The following SCRIB variants were observed in gnomAD, a reference collection of about 807,000 sequenced individuals.
SCRIB encodes the protein scribble planar cell polarity protein.
Under a neutral mutation model 170.0 loss-of-function variants are expected in SCRIB, and 72 were observed. The ratio of observed to expected loss-of-function variants is 0.42; its 90% CI spans 0.35 to 0.52. The LOEUF (loss-of-function observed/expected upper bound fraction) is 0.52. Among genes scored for constraint, SCRIB ranks in the 20% least tolerant of loss-of-function variants. The pLI, the probability that SCRIB is intolerant of heterozygous loss-of-function variation, is 0.02. For synonymous variants in SCRIB, 1,298 were observed against 1,044.3 expected, an observed-to-expected ratio of 1.24 and a Z score of -4.68; for missense variants, 2,475 against 2,338.5, an observed-to-expected ratio of 1.06 and a Z score of -1.20.
At chr8:143,801,779 C>T (rs782603440) in intron 24 of SCRIB, among the ~76,000 whole-genome samples, 3 of 152,122 alleles carry the variant, frequency 2.0e-5, no homozygotes, top group Non-Finnish European at 4.4e-5. Context: ...CTGGCTTGCC[C>T]GACGCGGCAG....
Position 143,810,504 on chromosome 8 carries a change from G to C in SCRIB, c.1505C>G (p.Ser502Cys). The change falls in exon 13 of 37, where the codon TCT becomes TGT. Residue 502 changes from serine (S) to cysteine (C), a missense_variant. Physicochemically the swap from Ser to Cys is moderately radical, Grantham distance 112. Coordinates refer to ENST00000356994, the MANE Select transcript of SCRIB (RefSeq NM_182706.5). ...RSEACPCQPDSGSPLPAEEEK... is the reference protein window; with the variant it reads ...RSEACPCQPDCGSPLPAEEEK... Reference sequence around the variant, plus strand: ...CTCCTCTGCAGGCAAGGGCGACCCAGAGTCTGGCTGGCAAGGGCAGGCCTC... The same window carrying C: ...CTCCTCTGCAGGCAAGGGCGACCCACAGTCTGGCTGGCAAGGGCAGGCCTC... 5 of 1,611,470 alleles carry C rather than the reference G, an allele frequency of 3.1e-6. No individual in the cohort carries two copies. The highest frequency in any genetic ancestry group is 4.2e-6 in the Non-Finnish European group (5 of 1,179,910).
intron 27 of SCRIB, 66 bp from the exon 28 acceptor site, chr8:143,794,028 G>A (rs553691230): frequency 6.7e-7 from 1 of 1,490,354 alleles, no homozygotes; most frequent in East Asian, 2.3e-5. Flanking sequence ...AGGAGGGACT[G>A]GGGGCCCTGG....
At position 143,795,262 on chromosome 8, in the gene SCRIB, G is replaced by A; in HGVS notation, c.3771+15C>T. ...CCAGTGCCCTGATGTGAGGGGGTGG[G>A]GCGACCACACTCACTGCGGCTTCTG... On this transcript the variant is annotated intron_variant, in intron 26 of 36. Coordinates refer to ENST00000356994, the MANE Select transcript of SCRIB (RefSeq NM_182706.5). The A allele has an allele frequency of 1.2e-6, 2 of 1,612,414 alleles. No homozygotes were observed. Among genetic ancestry groups the A allele is most frequent in the Non-Finnish European group, 1.7e-6 (2 of 1,179,862 alleles).
In SCRIB at chr8:143,814,239, C is replaced by G. The variant is rs1276782094; in HGVS notation, c.160-121G>C. ...GGCCTCTGTCTGCTCCAGGTCACAC[C>G]GGGTCCTGGGGTCTAACCACGACAC... On this transcript the variant is annotated intron_variant, in intron 1 of 36. Transcript: ENST00000356994. 4.9e-6 allele frequency: 4 copies of G among 809,640 alleles called. No individual in the cohort carries two copies. The Admixed American group carries it at 7.1e-5, about 14-fold the overall frequency. 50.2% of individuals were successfully genotyped at this position (809,640 alleles called of 1,614,324 possible).
At chr8:143,794,985 G>T in intron 27 of SCRIB, 53 bp downstream of exon 27, 1 of 1,547,800 alleles carries the variant, frequency 6.5e-7, no homozygotes, top group Non-Finnish European at 8.9e-7. Flanking sequence ...TGGGGTGGCC[G>T]ATGAACAGGA....
In SCRIB at chr8:143,792,237, C is replaced by A; in HGVS notation, c.4497G>T (p.Ala1499=). 6.4e-7 allele frequency: 1 copy of A among 1,570,514 alleles called. No homozygotes were observed. The highest frequency in any genetic ancestry group is 8.6e-7 in the Non-Finnish European group (1 of 1,165,264). ...GGGCTCACCTGGCTGCCCTCCACAG[C>A]GCACGCTTCTCGGCCTCCAGGGCCC... ...ELRALEAEKR[A]LWRAARMKSL... The change falls in exon 32 of 37, where the codon GCG becomes GCT. Residue 1499 remains alanine, a synonymous_variant. Transcript: ENST00000356994.
In SCRIB at chr8:143,813,078, A is replaced by T. The variant is rs367800289; in HGVS notation, c.594T>A (p.Asn198Lys). Residue 198 changes from asparagine to lysine, a missense_variant, in exon 7 of 37, where the codon AAT (asparagine) becomes AAA (lysine). By Grantham distance (94) the Asn-to-Lys change is moderately conservative. Transcript: ENST00000356994. ...VLPDTLGALP[N>K]LRELWLDRNQ... ...TCCGGTCAAGCCACAGCTCCCGAAG[A>T]TTGGGCAGAGCCCCCAGAGTGTCTG... 1.9e-6 allele frequency: 3 copies of T among 1,584,322 alleles called. No homozygotes were observed. The highest frequency in any genetic ancestry group is 2.6e-6 in the Non-Finnish European group (3 of 1,164,396).
At chr8:143,798,080 C>A (rs1170060916) in intron 24 of SCRIB, among the ~76,000 whole-genome samples, 1 of 152,106 alleles carries the variant, frequency 6.6e-6, no homozygotes, top group African/African-American at 2.4e-5. Flanking sequence ...AACTTTGGAA[C>A]CACGTGAAGA....
At position 143,804,172 on chromosome 8, in the gene SCRIB, G is replaced by A. The variant is rs782725825; in HGVS notation, c.3010-16C>T. On this transcript the variant is annotated splice_polypyrimidine_tract_variant and intron_variant, in intron 21 of 36. Transcript: ENST00000356994. ...GACGGATCTCCTGGGGATTTAGGGC[G>A]GGACAAGGACAGGCCTCGGTCAGGA... 1.5e-5 allele frequency: 23 copies of A among 1,579,640 alleles called. No homozygotes were observed. The highest frequency in any genetic ancestry group is 6.8e-5 in the East Asian group (3 of 44,396).
chr8:143,806,495 G>C lies in SCRIB; in HGVS notation c.2269-11C>G. On this transcript the variant is annotated splice_polypyrimidine_tract_variant and intron_variant, in intron 17 of 36. Coordinates refer to ENST00000356994, the MANE Select transcript of SCRIB (RefSeq NM_182706.5). ...AGAGATGAATATGCCCTAGGGCACA[G>C]ACACGAGCTTGGCAGGGGCCAGGGA... is the stretch of plus-strand genomic sequence containing the variant. The C allele has an allele frequency of 1.9e-6, 3 of 1,583,470 alleles. No homozygotes were observed. The highest frequency in any genetic ancestry group is 2.6e-6 in the Non-Finnish European group (3 of 1,163,716).
chr8:143,815,619 C>G lies in SCRIB; in HGVS notation c.-247G>C. 1.0e-6 allele frequency: 1 copy of G among 980,540 alleles called. No homozygotes were observed. The highest frequency in any genetic ancestry group is 1.2e-6 in the Non-Finnish European group (1 of 827,164). 60.7% of individuals were successfully genotyped at this position (980,540 alleles called of 1,614,324 possible). A position where few individuals can be genotyped will look rare whatever the true frequency, so the allele number is the denominator to read the frequency against. On this transcript the variant is annotated 5_prime_UTR_variant, in exon 1 of 37. Coordinates refer to ENST00000356994, the MANE Select transcript of SCRIB (RefSeq NM_182706.5). ...TCAGACTCTTAGGAAGCGCGGGGAG[C>G]GGCGGCGGCGGCGGCTCCGCATCCC... is the stretch of plus-strand genomic sequence containing the variant.
At position 143,805,201 on chromosome 8, in the gene SCRIB, G is replaced by C. The variant is rs782199271; in HGVS notation, c.2581C>G (p.His861Asp). Residue 861 changes from histidine (H) to aspartate (D), a missense_variant, in exon 19 of 37, where the codon CAC becomes GAC. This residue lies in a region of SCRIB where 1,966 missense variants were observed against 1,742.9 expected (regional missense o/e 1.13). Coordinates refer to ENST00000356994, the MANE Select transcript of SCRIB (RefSeq NM_182706.5). ...PESPGPLRQR[H>D]VACLARSERG... is the part of the protein sequence containing the mutation. ...TCGCTGCGTGCCAGGCAGGCCACGT[G>C]GCGCTGACGGAGGGGCCCGGGGCTC... 1.3e-6 allele frequency: 2 copies of C among 1,570,260 alleles called. No homozygotes were observed. Among genetic ancestry groups the C allele is most frequent in the African/African-American group, 2.7e-5 (2 of 73,908 alleles).
chr8:143,804,015 C>T, intron 22 of SCRIB, 31 bp downstream of exon 22: 1 of 1,583,652 alleles, frequency 6.3e-7, no homozygotes, highest in Non-Finnish European at 8.6e-7. Flanking sequence ...GGGTGCACCT[C>T]TCACAGAACC....
chr8:143,812,925 C>T lies in SCRIB; in HGVS notation c.679G>A (p.Val227Met), dbSNP rs759655544. 38 of 1,612,554 alleles carry T rather than the reference C, an allele frequency of 2.4e-5. No individual in the cohort carries two copies. The South Asian group carries it at 3.2e-4, about 14-fold the overall frequency. ...GNLRRLVCLD[V>M]SENRLEELPA... Reference sequence around the variant, plus strand: ...AGCTCCTCCAGCCGGTTTTCCGACACGTCCAGGCACACCAGGCGCCGCAGG... The same window carrying T: ...AGCTCCTCCAGCCGGTTTTCCGACATGTCCAGGCACACCAGGCGCCGCAGG... The change falls in exon 8 of 37, where the codon GTG becomes ATG. Residue 227 changes from valine (V) to methionine (M), a missense_variant. Physicochemically the swap from Val to Met is conservative, Grantham distance 21 (BLOSUM62 1). This residue lies in a region of SCRIB where 487 missense variants were observed against 558.1 expected (regional missense o/e 0.87). Coordinates refer to ENST00000356994, the MANE Select transcript of SCRIB (RefSeq NM_182706.5).
At position 143,804,998 on chromosome 8, in the gene SCRIB, C is replaced by T. The variant is rs781990019; in HGVS notation, c.2687G>A (p.Arg896His). 6.3e-6 allele frequency: 10 copies of T among 1,585,616 alleles called. No individual in the cohort carries two copies. Among genetic ancestry groups the T allele is most frequent in the Admixed American group, 1.8e-5 (1 of 56,936 alleles). ...RAGDAGIFVSRIAEGGAAHRA... is the reference protein window; with the variant it reads ...RAGDAGIFVSHIAEGGAAHRA... ...GTGAGCAGCACCGCCCTCGGCAATG[C>T]GGGAGACGAAGATGCCCTGCAGGGG... Residue 896 changes from arginine to histidine, a missense_variant, in exon 20 of 37, where the codon CGC (arginine) becomes CAC (histidine). By Grantham distance (29) the Arg-to-His change is conservative. Around this residue, in one of 3 missense-constraint regions of SCRIB, gnomAD observed 1,966 missense variants for 1,742.9 expected, o/e 1.13. Coordinates refer to ENST00000356994, the MANE Select transcript of SCRIB (RefSeq NM_182706.5).
Position 143,813,819 on chromosome 8 carries a change from T to A in SCRIB, c.355A>T (p.Arg119Trp), listed in dbSNP as rs751075643. The A allele has an allele frequency of 5.6e-6, 9 of 1,608,838 alleles. No homozygotes were observed. Among genetic ancestry groups the A allele is most frequent in the Non-Finnish European group, 7.6e-6 (9 of 1,176,822 alleles). ...ACCCCACCACAGGCTGCCACCCACC[T>A]GGAGAGGGGGTTCCCGCTGAAGTCC... ...IADFSGNPLS[R>W]LPDGFTQLRS... is the part of the protein sequence containing the mutation. The change falls in exon 3 of 37, where the codon AGG becomes TGG. Residue 119 changes from arginine (R) to tryptophan (W), a missense_variant and splice_region_variant. Physicochemically the swap from Arg to Trp is moderately radical, Grantham distance 101. This residue lies in a region of SCRIB where 487 missense variants were observed against 558.1 expected (regional missense o/e 0.87). Coordinates refer to ENST00000356994, the MANE Select transcript of SCRIB (RefSeq NM_182706.5).
In SCRIB at chr8:143,795,029, G is replaced by T. The variant is rs1554633782; in HGVS notation, c.3846+9C>A. 3 of 1,608,376 alleles carry T rather than the reference G, an allele frequency of 1.9e-6. No individual in the cohort carries two copies. In the South Asian group the frequency reaches 3.3e-5, roughly 18 times the overall value. ...CGGAGGTGGGGGGCACTGCACACTG[G>T]GCACTCACCCTCTGCACGCTGCCAG... On this transcript the variant is annotated intron_variant, in intron 27 of 36. Coordinates refer to ENST00000356994, the MANE Select transcript of SCRIB (RefSeq NM_182706.5).
At position 143,792,112 on chromosome 8, in the gene SCRIB, G is replaced by T; in HGVS notation, c.4536C>A (p.Asp1512Glu). 1.9e-6 allele frequency: 3 copies of T among 1,582,616 alleles called. No individual in the cohort carries two copies. The highest frequency in any genetic ancestry group is 2.6e-6 in the Non-Finnish European group (3 of 1,171,494). Residue 1512 changes from aspartate (D) to glutamate (E), a missense_variant, in exon 33 of 37, where the codon GAC becomes GAA. Physicochemically the swap from Asp to Glu is conservative, Grantham distance 45. Around this residue, in one of 3 missense-constraint regions of SCRIB, gnomAD observed 1,966 missense variants for 1,742.9 expected, o/e 1.13. Coordinates refer to ENST00000356994, the MANE Select transcript of SCRIB (RefSeq NM_182706.5). ...TGAGGACCATCTGTGCTCGGAGAGC[G>T]TCCTGTTCCAATGACTTCATCCTGC... ...RAARMKSLEQ[D>E]ALRAQMVLSR...
intron 24 of SCRIB, among the ~76,000 whole-genome samples, chr8:143,799,658 C>A (rs1815090971): frequency 6.6e-6 from 1 of 152,042 alleles, no homozygotes; most frequent in African/African-American, 2.4e-5. Context: ...TGCGGGTGAC[C>A]CATTGTACAG....
Sources: gnomAD v4.1 joint callset for allele counts (sites outside exome capture counted in the v4.1 genomes callset) on GRCh38, gnomAD v4.1.1 for gene constraint, gnomAD v4.1.1 regional missense constraint, MANE v1.5 for transcripts, NCBI Gene and HGNC (gene_info 2026-07-23, HGNC 2026-07-21) for gene names.